PPIL4: variants seen among roughly 807,000 people sequenced by gnomAD.
PPIL4 encodes the protein peptidylprolyl isomerase like 4.
Under a neutral mutation model 69.1 loss-of-function variants are expected in PPIL4, and 50 were observed. That is an observed-to-expected ratio of 0.72 (90% CI 0.58 to 0.92). The LOEUF is 0.92. Among genes scored for constraint, PPIL4 ranks in the 40% least tolerant of loss-of-function variants. The pLI is 0.00. For missense variants in PPIL4, 480 were observed against 587.9 expected (o/e 0.82, Z 1.90); for synonymous variants, 193 against 191.6 (o/e 1.01, Z -0.06).
At position 149,517,430 on chromosome 6, in the gene PPIL4, C is replaced by T. The variant is rs763082000; in HGVS notation, c.1003G>A (p.Asp335Asn). The change falls in exon 11 of 13, where the codon GAT (aspartate) becomes AAT (asparagine). Residue 335 changes from aspartate (D) to asparagine (N), a missense_variant. By Grantham distance (23) the Asp-to-Asn change is conservative (BLOSUM62 1). Coordinates refer to ENST00000253329, the MANE Select transcript of PPIL4 (RefSeq NM_139126.4). ...KGKGGKYTKSDFKEYEKEQDK... is the reference protein window; with the variant it reads ...KGKGGKYTKSNFKEYEKEQDK... The stretch of plus-strand genomic sequence containing the variant: ...TGTTCTTTTTCATACTCCTTGAAAT[C>T]ACTCTTGGTGTATTTCCCACCTATT... The T allele has an allele frequency of 6.3e-7, 1 of 1,597,654 alleles. No homozygotes were observed. The highest frequency in any genetic ancestry group is 2.2e-5 in the East Asian group (1 of 44,662).
At chr6:149,531,363 CAAAA>C (rs34176914) in intron 7 of PPIL4, among the ~76,000 whole-genome samples, 1 of 65,866 alleles carries the variant, frequency 1.5e-5, no homozygotes. Flanking sequence ...GATTCTGTCT[CAAAA>C]AAAAAAAAAA....
At chr6:149,536,754 A>G (rs928841054) in intron 4 of PPIL4, among the ~76,000 whole-genome samples, 5 of 151,490 alleles carry the variant, frequency 3.3e-5, no homozygotes, top group African/African-American at 9.7e-5. Context: ...AAAAAAAAAA[A>G]GAAAAGAAAA....
At chr6:149,513,044 C>T (rs1776879901) in intron 11 of PPIL4, among the ~76,000 whole-genome samples, 1 of 149,494 alleles carries the variant, frequency 6.7e-6, no homozygotes, top group African/African-American at 2.4e-5. Flanking sequence ...ACCTGCCCAT[C>T]ATGTTTAAAT....
At chr6:149,526,572 T>A in intron 8 of PPIL4, 80 bp downstream of exon 8, 2 of 1,357,802 alleles carry the variant, frequency 1.5e-6, no homozygotes, top group Non-Finnish European at 1.0e-6. Context: ...ATTCACAGAA[T>A]CATCAAAATA....
At chr6:149,510,472 G>A (rs763833910) in intron 12 of PPIL4, among the ~76,000 whole-genome samples, 17 of 152,088 alleles carry the variant, frequency 1.1e-4, no homozygotes, top group Non-Finnish European at 1.9e-4. Context: ...GGCCGGGCGC[G>A]GTGGCTCACG....
At chr6:149,536,812 C>G (rs188496844) in intron 4 of PPIL4, among the ~76,000 whole-genome samples, 2 of 151,450 alleles carry the variant, frequency 1.3e-5, no homozygotes, top group Admixed American at 1.3e-4. Context: ...CAAGGTGAAG[C>G]AGCAAGTGCT....
At chr6:149,528,387 T>TTGG (rs760146324) in intron 7 of PPIL4, among the ~76,000 whole-genome samples, 5 of 152,220 alleles carry the variant, frequency 3.3e-5, no homozygotes, top group Non-Finnish European at 7.3e-5. Context: ...GCTATAGTAC[T>TTGG]TGGTCAAAGC....
At chr6:149,540,626 A>G (rs1777344607) in intron 4 of PPIL4, among the ~76,000 whole-genome samples, 11 of 152,226 alleles carry the variant, frequency 7.2e-5, no homozygotes, top group Admixed American at 7.2e-4. Context: ...ATAAAAATAA[A>G]TTAATTAATT....
At chr6:149,516,792 G>A (rs1457275064) in intron 11 of PPIL4, among the ~76,000 whole-genome samples, 2 of 152,062 alleles carry the variant, frequency 1.3e-5, no homozygotes, top group African/African-American at 4.8e-5. Context: ...ATACTATACC[G>A]AAAGAAGTAA....
At chr6:149,543,922 GAAGA>G (rs1341641641) in intron 1 of PPIL4, among the ~76,000 whole-genome samples, 1 of 152,168 alleles carries the variant, frequency 6.6e-6, no homozygotes, top group African/African-American at 2.4e-5. Context: ...AAAAGAAAAG[GAAGA>G]AAGAATGGAA....
intron 12 of PPIL4, among the ~76,000 whole-genome samples, chr6:149,507,545 A>G (rs1262185195): frequency 6.9e-6 from 1 of 144,306 alleles, no homozygotes; most frequent in Non-Finnish European, 1.5e-5. Context: ...TTATTTCTGT[A>G]TTGGTTGAGA....
Position 149,505,409 on chromosome 6 carries a change from A to T in PPIL4, c.*44T>A. The T allele has an allele frequency of 6.4e-7, 1 of 1,562,436 alleles. No homozygotes were observed. The highest frequency in any genetic ancestry group is 1.2e-5 in the South Asian group (1 of 83,236). Reference sequence around the variant, plus strand: ...TGCTTTCCTGGCACTCTTAAGTTAGACAAGAGTAAATATGTTAGCCTCTCA... The same window carrying T: ...TGCTTTCCTGGCACTCTTAAGTTAGTCAAGAGTAAATATGTTAGCCTCTCA... On this transcript the variant is annotated 3_prime_UTR_variant, in exon 13 of 13. Transcript: ENST00000253329.
At chr6:149,534,616 A>T in intron 6 of PPIL4, 62 bp downstream of exon 6, 2 of 854,366 alleles carry the variant, frequency 2.3e-6, no homozygotes, top group Non-Finnish European at 3.7e-6. Flanking sequence ...CAGATGAAAA[A>T]GATAAATCCA....
chr6:149,527,935 C>T (rs534750812), intron 7 of PPIL4, among the ~76,000 whole-genome samples: 2 of 152,302 alleles, frequency 1.3e-5, no homozygotes, highest in South Asian at 4.1e-4. Flanking sequence ...TTTCTGAAGT[C>T]TATCAAAAGA....
At chr6:149,527,522 TA>T (rs1777125775) in intron 7 of PPIL4, among the ~76,000 whole-genome samples, 1 of 152,224 alleles carries the variant, frequency 6.6e-6, no homozygotes, top group Non-Finnish European at 1.5e-5. Flanking sequence ...GTATTTGATA[TA>T]TTTTTTAAAG....
chr6:149,536,572 CACA>C (rs1471489932), intron 4 of PPIL4, among the ~76,000 whole-genome samples: 1 of 151,974 alleles, frequency 6.6e-6, no homozygotes, highest in Non-Finnish European at 1.5e-5. Flanking sequence ...TCAAACCAGC[CACA>C]ACGATCCCTT....
intron 7 of PPIL4, among the ~76,000 whole-genome samples, chr6:149,529,108 A>G (rs1777150825): frequency 6.6e-6 from 1 of 151,956 alleles, no homozygotes. Flanking sequence ...GCGTGTGCCT[A>G]TAGTCCCAGC....
In PPIL4 at chr6:149,526,252, C is replaced by G. The variant is rs567578350; in HGVS notation, c.803+400G>C. Among the ~76,000 whole-genome samples the G allele has an allele frequency of 7.9e-5, 12 of 152,114 alleles. No homozygotes were observed. The East Asian group carries it at 2.1e-3, about 27-fold the overall frequency. On this transcript the variant is annotated intron_variant, in intron 8 of 12. Transcript: ENST00000253329. ...TTTCATTAATGCAGGGAAAACTAAC[C>G]AAAAGAAAAATTTTAGAAAATTTAG...
At chr6:149,541,131 G>T in intron 3 of PPIL4, 72 bp from the exon 4 acceptor site, 1 of 769,444 alleles carries the variant, frequency 1.3e-6, no homozygotes, top group Non-Finnish European at 2.1e-6. Context: ...TAACATACAG[G>T]GTTATCAATT....
Sources: allele counts gnomAD v4.1 joint callset (sites outside exome capture counted in the v4.1 genomes callset), GRCh38; gene constraint gnomAD v4.1.1; transcripts MANE v1.5; gene names NCBI Gene and HGNC (gene_info 2026-07-23, HGNC 2026-07-21).